The following PLEKHM3 variants were observed in gnomAD, a reference collection of about 807,000 sequenced individuals.
PLEKHM3 encodes the protein pleckstrin homology domain-containing family M member 3.
A neutral mutation model predicts 81.8 loss-of-function variants in PLEKHM3; 45 were observed. The observed-to-expected ratio is 0.55, with a 90% CI of 0.43 to 0.71. The LOEUF (loss-of-function observed/expected upper bound fraction) is 0.71. Ranked by LOEUF, PLEKHM3 falls within the 30% of genes least tolerant of loss-of-function variation. The probability of loss-of-function intolerance (pLI) is 0.00; values close to 1 mark genes in which losing one functional copy is unlikely to be tolerated. For synonymous variants in PLEKHM3, 352 were observed against 356.4 expected (o/e 0.99, Z 0.14); for missense variants, 788 against 924.3 (o/e 0.85, Z 1.91).
At position 207,828,172 on chromosome 2, in the gene PLEKHM3, G is replaced by T; in HGVS notation, c.*147C>A. The stretch of plus-strand genomic sequence containing the variant: ...ACGTACAGGACGTATAGGTATTTGC[G>T]TATATATAAATAAATATATATATCT... On this transcript the variant is annotated 3_prime_UTR_variant, in exon 8 of 8. Transcript: ENST00000427836. 3.4e-6 allele frequency: 2 copies of T among 589,412 alleles called. No individual in the cohort carries two copies. The highest frequency in any genetic ancestry group is 5.4e-6 in the Non-Finnish European group (2 of 369,636). 36.5% of individuals were successfully genotyped at this position (589,412 alleles called of 1,614,324 possible). A position where few individuals can be genotyped will look rare whatever the true frequency, so the allele number is the denominator to read the frequency against.
At chr2:208,013,460 G>C (rs1240376030) in intron 1 of PLEKHM3, among the ~76,000 whole-genome samples, 1 of 150,380 alleles carries the variant, frequency 6.6e-6, no homozygotes, top group African/African-American at 2.5e-5. Context: ...AGGTTGTGGT[G>C]AGCCGAGATC....
chr2:207,991,060 G>A (rs1436626280), intron 2 of PLEKHM3, among the ~76,000 whole-genome samples: 4 of 152,180 alleles, frequency 2.6e-5, no homozygotes, highest in Admixed American at 6.6e-5. Flanking sequence ...AACCTGACTA[G>A]GAGATCACAG....
chr2:207,943,580 C>A (rs949602134), intron 4 of PLEKHM3, among the ~76,000 whole-genome samples: 1 of 152,110 alleles, frequency 6.6e-6, no homozygotes, highest in Non-Finnish European at 1.5e-5. Context: ...AAATGCTGTA[C>A]CATATAGGCC....
At chr2:207,854,259 A>C (rs1050466786) in intron 7 of PLEKHM3, among the ~76,000 whole-genome samples, 14 of 152,146 alleles carry the variant, frequency 9.2e-5, no homozygotes, top group African/African-American at 3.4e-4. Context: ...TTTTATTTCA[A>C]ACATATGCAA....
At chr2:207,972,930 G>A (rs932523736) in intron 3 of PLEKHM3, among the ~76,000 whole-genome samples, 2 of 152,152 alleles carry the variant, frequency 1.3e-5, no homozygotes, top group African/African-American at 2.4e-5. Flanking sequence ...CCCCTGAATA[G>A]CAAGTAAATG....
chr2:207,980,711 G>A (rs546125684), intron 2 of PLEKHM3, among the ~76,000 whole-genome samples: 4 of 152,138 alleles, frequency 2.6e-5, no homozygotes, highest in African/African-American at 9.6e-5. Context: ...TGAGAATACA[G>A]GTACATGCCA....
Position 207,982,665 on chromosome 2 carries a change from G to A in PLEKHM3, c.611-5079C>T, listed in dbSNP as rs1029295398. ...ACGATCTTGGCTCACTGCAACCTCC[G>A]CCTCCCAGGTTCAGGCAATTCTCCT... On this transcript the variant is annotated intron_variant, in intron 2 of 7. Transcript: ENST00000427836. Among the ~76,000 whole-genome samples, 7 of 148,500 alleles carry A rather than the reference G, an allele frequency of 4.7e-5. No individual in the cohort carries two copies. The East Asian group carries it at 7.9e-4, about 17-fold the overall frequency.
intron 5 of PLEKHM3, among the ~76,000 whole-genome samples, chr2:207,917,365 T>C (rs1683739674): frequency 1.3e-5 from 2 of 152,264 alleles, no homozygotes; most frequent in Admixed American, 1.3e-4. Context: ...GAAGAGCTAA[T>C]ACTTACTGGT....
rs1222147801 is a variant in PLEKHM3 at position 207,872,466 on chromosome 2, C to A, written c.1951-11204G>T. On this transcript the variant is annotated intron_variant, in intron 6 of 7. Transcript: ENST00000427836. ...ATATGAAGATGATCTTTAACAGCATCTTATTGGCTCAACTAGGGGAAACTC... is the reference window on the plus strand; with the variant it reads ...ATATGAAGATGATCTTTAACAGCATATTATTGGCTCAACTAGGGGAAACTC... Among the ~76,000 whole-genome samples, 4 of 152,158 alleles carry A rather than the reference C, an allele frequency of 2.6e-5. No homozygotes were observed. In the South Asian group the frequency reaches 6.2e-4, roughly 24 times the overall value.
At chr2:207,888,537 C>T (rs989454032) in intron 6 of PLEKHM3, among the ~76,000 whole-genome samples, 2 of 152,190 alleles carry the variant, frequency 1.3e-5, no homozygotes, top group African/African-American at 4.8e-5. Flanking sequence ...GCTGGGATTA[C>T]AGGCGCCCGC....
chr2:207,927,185 C>T (rs543586793), intron 5 of PLEKHM3, among the ~76,000 whole-genome samples: 1 of 152,296 alleles, frequency 6.6e-6, no homozygotes, highest in East Asian at 1.9e-4. Flanking sequence ...GCAAGTTCAC[C>T]TCACTGTTTA....
At chr2:207,861,708 T>C (rs1171246590) in intron 6 of PLEKHM3, among the ~76,000 whole-genome samples, 2 of 152,170 alleles carry the variant, frequency 1.3e-5, no homozygotes, top group Admixed American at 6.5e-5. Context: ...TTTTTCACCA[T>C]CTTCCCCAAG....
In PLEKHM3 at chr2:207,828,496, C is replaced by T. The variant is rs575208674; in HGVS notation, c.2109G>A (p.Arg703=). The T allele has an allele frequency of 1.1e-4, 182 of 1,613,176 alleles. 1 individual carries two copies. In the South Asian group the frequency reaches 1.9e-3, roughly 17 times the overall value. Residue 703 remains arginine, a splice_region_variant and synonymous_variant, in exon 8 of 8, where the codon AGG becomes AGA. Coordinates refer to ENST00000427836, the MANE Select transcript of PLEKHM3 (RefSeq NM_001080475.3). ...GGAAAACGGCTCCACAGCTTTCACACCTGCAAAAGTCAACCATGGATATGA... is the reference window on the plus strand; with the variant it reads ...GGAAAACGGCTCCACAGCTTTCACATCTGCAAAAGTCAACCATGGATATGA... ...LYPFEDISTS[R]CESCGAVFHS... is the part of the protein sequence containing the mutation.
At chr2:207,888,883 T>C (rs1222449881) in intron 6 of PLEKHM3, among the ~76,000 whole-genome samples, 2 of 152,218 alleles carry the variant, frequency 1.3e-5, no homozygotes, top group Non-Finnish European at 2.9e-5. Context: ...ATAAACTCTT[T>C]TTCCCTGTCT....
chr2:207,882,654 G>C (rs79401319), intron 6 of PLEKHM3, among the ~76,000 whole-genome samples: 1 of 149,256 alleles, frequency 6.7e-6, no homozygotes, highest in Non-Finnish European at 1.5e-5. Context: ...CACAATGGGA[G>C]TTGGTTAATC....
intron 1 of PLEKHM3, among the ~76,000 whole-genome samples, chr2:208,016,980 C>T (rs1279325487): frequency 1.3e-4 from 20 of 152,192 alleles, no homozygotes; most frequent in Admixed American, 1.3e-3. Context: ...ATAACCTACG[C>T]ACATCCTCCT....
At chr2:207,929,790 G>A in intron 5 of PLEKHM3, 1 of 578,802 alleles carries the variant, frequency 1.7e-6, no homozygotes, top group Non-Finnish European at 3.1e-6. Flanking sequence ...TCTACATTTA[G>A]TTCTTTTTTA....
At chr2:207,940,453 T>C (rs556397113) in intron 4 of PLEKHM3, among the ~76,000 whole-genome samples, 1 of 152,336 alleles carries the variant, frequency 6.6e-6, no homozygotes, top group Non-Finnish European at 1.5e-5. Context: ...TCATTTTACA[T>C]ATGAGGAAAC....
intron 5 of PLEKHM3, among the ~76,000 whole-genome samples, chr2:207,911,079 A>T (rs1688795540): frequency 6.6e-6 from 1 of 152,096 alleles, no homozygotes; most frequent in Non-Finnish European, 1.5e-5. Flanking sequence ...GCAAGCATGG[A>T]CCTGGGCCTG....
Sources: gnomAD v4.1 joint callset for allele counts (sites outside exome capture counted in the v4.1 genomes callset) on GRCh38, gnomAD v4.1.1 for gene constraint, MANE v1.5 for transcripts, NCBI Gene and HGNC (gene_info 2026-07-23, HGNC 2026-07-21) for gene names.